The following STAU2 variants were observed in gnomAD, a reference collection of about 807,000 sequenced individuals.
The protein encoded by STAU2 is staufen double-stranded RNA binding protein 2.
A neutral mutation model predicts 65.9 loss-of-function variants in STAU2; 20 were observed. The ratio of observed to expected loss-of-function variants is 0.30; its 90% confidence interval spans 0.21 to 0.44. STAU2 has a LOEUF of 0.44. STAU2 is among the 20% of genes least tolerant of loss of function. The pLI is 1.00. For synonymous variants in STAU2, 232 were observed against 233.9 expected (o/e 0.99, Z 0.07); for missense variants, 558 against 683.9 (o/e 0.82, Z 2.05).
chr8:73,434,051 G>A (rs1389075267), intron 13 of STAU2, among the ~76,000 whole-genome samples: 4 of 151,878 alleles, frequency 2.6e-5, no homozygotes, highest in African/African-American at 9.7e-5. Context: ...GGGAAGGTTA[G>A]CCTTGGGTTC....
chr8:73,473,823 C>G (rs953108538), intron 13 of STAU2, among the ~76,000 whole-genome samples: 1 of 152,290 alleles, frequency 6.6e-6, no homozygotes, highest in Admixed American at 6.5e-5. Flanking sequence ...AGACCCACCT[C>G]ACCCTCATGC....
At chr8:73,548,782 T>C (rs1390200207) in intron 13 of STAU2, among the ~76,000 whole-genome samples, 1 of 152,198 alleles carries the variant, frequency 6.6e-6, no homozygotes, top group South Asian at 2.1e-4. Flanking sequence ...ACTGTTACAG[T>C]GGATGATGCT....
intron 3 of STAU2, among the ~76,000 whole-genome samples, chr8:73,712,164 T>A (rs561182756): frequency 4.6e-5 from 7 of 152,294 alleles, no homozygotes; most frequent in African/African-American, 1.7e-4. Flanking sequence ...AGGTATGCAT[T>A]TTCAAAGACC....
intron 13 of STAU2, among the ~76,000 whole-genome samples, chr8:73,499,701 A>G (rs1821628056): frequency 6.6e-6 from 1 of 151,876 alleles, no homozygotes; most frequent in Admixed American, 6.6e-5. Flanking sequence ...AGAAAACAAT[A>G]GCTCAAAAAG....
intron 12 of STAU2, among the ~76,000 whole-genome samples, chr8:73,580,505 C>G (rs1809901477): frequency 6.6e-6 from 1 of 152,166 alleles, no homozygotes; most frequent in South Asian, 2.1e-4. Flanking sequence ...CTGCAAAATG[C>G]TAACTCTGGT....
At chr8:73,440,988 T>G (rs1184475412) in intron 13 of STAU2, 1 of 152,168 alleles carries the variant, frequency 6.6e-6, no homozygotes, top group African/African-American at 2.4e-5. Context: ...TCAAGGACTT[T>G]CCTGTGCTTT....
chr8:73,741,739 C>T (rs1039956783), intron 1 of STAU2, among the ~76,000 whole-genome samples: 1 of 152,200 alleles, frequency 6.6e-6, no homozygotes, highest in Admixed American at 6.5e-5. Flanking sequence ...TCTCGAACTC[C>T]TGGCCTCGGG....
At chr8:73,557,990 T>G (rs997962010) in intron 12 of STAU2, among the ~76,000 whole-genome samples, 3 of 152,318 alleles carry the variant, frequency 2.0e-5, no homozygotes, top group Admixed American at 1.3e-4. Flanking sequence ...CATTATTATT[T>G]TCCTATATTA....
At chr8:73,534,967 A>G (rs1026953095) in intron 13 of STAU2, among the ~76,000 whole-genome samples, 1 of 152,212 alleles carries the variant, frequency 6.6e-6, no homozygotes, top group Non-Finnish European at 1.5e-5. Context: ...TAAAAATCCT[A>G]TGTTTTAGAT....
chr8:73,609,852 G>T (rs1812317129), intron 9 of STAU2, among the ~76,000 whole-genome samples: 1 of 152,138 alleles, frequency 6.6e-6, no homozygotes, highest in African/African-American at 2.4e-5. Context: ...GTGGCATACT[G>T]TCTTTATTTC....
At chr8:73,692,638 C>A (rs1046075697) in intron 4 of STAU2, among the ~76,000 whole-genome samples, 1 of 152,144 alleles carries the variant, frequency 6.6e-6, no homozygotes. Flanking sequence ...GTGCTGAGAG[C>A]CCCCGGTTTA....
intron 10 of STAU2, among the ~76,000 whole-genome samples, chr8:73,596,026 C>T (rs1341049559): frequency 2.6e-5 from 4 of 151,766 alleles, no homozygotes; most frequent in Non-Finnish European, 4.4e-5. Context: ...GCAAGAGAAT[C>T]GCTTGAACCC....
intron 6 of STAU2, among the ~76,000 whole-genome samples, chr8:73,651,773 G>A (rs777108749): frequency 2.6e-5 from 4 of 152,208 alleles, no homozygotes; most frequent in African/African-American, 7.2e-5. Flanking sequence ...GTGCTCTGCC[G>A]GAGACGGGAT....
chr8:73,704,463 C>T (rs1310982218), intron 4 of STAU2, among the ~76,000 whole-genome samples: 1 of 152,134 alleles, frequency 6.6e-6, no homozygotes, highest in Non-Finnish European at 1.5e-5. Context: ...GCTTCTTAAT[C>T]TAGTCATAAT....
intron 13 of STAU2, chr8:73,440,303 C>G (rs1473149212): frequency 6.6e-6 from 1 of 152,200 alleles, no homozygotes; most frequent in East Asian, 1.9e-4. Context: ...GCCTGGCCTC[C>G]TGCCCTAGAA....
chr8:73,574,332 G>A (rs186102904), intron 12 of STAU2, among the ~76,000 whole-genome samples: 1 of 152,300 alleles, frequency 6.6e-6, no homozygotes, highest in East Asian at 1.9e-4. Flanking sequence ...TTCAACCATT[G>A]TGCAAGACAG....
rs770948315 is a variant in STAU2, at chr8:73,481,845, A to G, written c.1531-59143T>C. 2.4e-4 allele frequency among the ~76,000 whole-genome samples: 36 copies of G among 152,080 alleles called. 1 individual carries two copies. The highest frequency in any genetic ancestry group is 4.4e-4 in the Non-Finnish European group (30 of 68,018). On this transcript the variant is annotated intron_variant, in intron 13 of 14. Coordinates refer to ENST00000524300, the MANE Select transcript of STAU2 (RefSeq NM_001164380.2). ...GAATCACAGTTGAGTATGACTCAAA[A>G]ATTCCCTCCTCTTAAAACAACTCTA...
rs571796028 is a variant in STAU2, at chr8:73,423,477, C to G, written c.1531-775G>C. ...AGAATTTGGGTCTTCCTCCCCTCCC[C>G]CAAGCCCGACACTGCTGAGTGAGAT... On this transcript the variant is annotated intron_variant, in intron 13 of 14. Transcript: ENST00000524300. Among the ~76,000 whole-genome samples the G allele has an allele frequency of 2.6e-5, 4 of 152,302 alleles. No individual in the cohort carries two copies. In the East Asian group the frequency reaches 5.8e-4, roughly 22 times the overall value.
intron 13 of STAU2, among the ~76,000 whole-genome samples, chr8:73,488,361 CA>C (rs1260847456): frequency 2.6e-5 from 4 of 151,826 alleles, no homozygotes; most frequent in African/African-American, 9.7e-5. Context: ...CCAAATTCAC[CA>C]TAAAATAGCT....
Sources: gnomAD v4.1 joint callset for allele counts (sites outside exome capture counted in the v4.1 genomes callset) on GRCh38, gnomAD v4.1.1 for gene constraint, MANE v1.5 for transcripts, NCBI Gene and HGNC (gene_info 2026-07-23, HGNC 2026-07-21) for gene names.